Variants in PPM1H observed in about 807,000 individuals in gnomAD.
PPM1H encodes protein phosphatase, Mg2+/Mn2+ dependent 1H.
PPM1H carries 27 observed loss-of-function variants against 54.9 expected under a neutral mutation model. That is an observed-to-expected ratio of 0.49 (90% CI 0.36 to 0.68). PPM1H has a LOEUF of 0.68. Among genes scored for constraint, PPM1H ranks in the 30% least tolerant of loss-of-function variants. The probability of loss-of-function intolerance (pLI) is 0.00; values close to 1 mark genes in which losing one functional copy is unlikely to be tolerated. For synonymous variants in PPM1H, 305 were observed against 270.8 expected, an observed-to-expected ratio of 1.13 and a Z score of -1.24; for missense variants, 596 against 667.8, an observed-to-expected ratio of 0.89 and a Z score of 1.19.
In PPM1H at chr12:62,802,096, G is replaced by A; in HGVS notation, c.476C>T (p.Ala159Val). The change falls in exon 3 of 10, where the codon GCG becomes GTG. Residue 159 changes from alanine to valine, a missense_variant. Coordinates refer to ENST00000228705, the MANE Select transcript of PPM1H (RefSeq NM_020700.2). The stretch of plus-strand genomic sequence containing the variant: ...CTGCAGCAGGCGTGACGCCACCACC[G>A]CGGCCCCGGACCCCGCGTGCCCGTC... Reference protein sequence around the residue: ...LFDGHAGSGAAVVASRLLQHH... With the variant: ...LFDGHAGSGAVVVASRLLQHH... The A allele has an allele frequency of 1.9e-6, 3 of 1,609,478 alleles. No individual in the cohort carries two copies. Among genetic ancestry groups the A allele is most frequent in the Non-Finnish European group, 2.5e-6 (3 of 1,177,776 alleles).
chr12:62,836,493 C>T (rs1868507208), intron 1 of PPM1H, among the ~76,000 whole-genome samples: 1 of 152,206 alleles, frequency 6.6e-6, no homozygotes, highest in Non-Finnish European at 1.5e-5. Flanking sequence ...TATAAGGTAG[C>T]TGCCACTGTT....
intron 4 of PPM1H, among the ~76,000 whole-genome samples, chr12:62,781,921 T>C (rs2076645150): frequency 6.6e-6 from 1 of 152,200 alleles, no homozygotes; most frequent in Non-Finnish European, 1.5e-5. Context: ...GCTAAGGGAT[T>C]ACATGAAATA....
chr12:62,832,957 C>T (rs1868396327), intron 1 of PPM1H, among the ~76,000 whole-genome samples: 1 of 152,128 alleles, frequency 6.6e-6, no homozygotes, highest in Non-Finnish European at 1.5e-5. Flanking sequence ...CTGCTTTGCT[C>T]GAATTACTAC....
intron 1 of PPM1H, among the ~76,000 whole-genome samples, chr12:62,890,395 C>A (rs1870741375): frequency 6.6e-6 from 1 of 152,144 alleles, no homozygotes; most frequent in South Asian, 2.1e-4. Flanking sequence ...AAGGTCAAGA[C>A]TGCAGTGAAC....
chr12:62,673,228 C>G (rs1457954540), intron 8 of PPM1H, among the ~76,000 whole-genome samples: 1 of 152,156 alleles, frequency 6.6e-6, no homozygotes, highest in East Asian at 1.9e-4. Context: ...CCCTCAGCTT[C>G]AGAGCACTTA....
intron 1 of PPM1H, among the ~76,000 whole-genome samples, chr12:62,913,850 G>A (rs571888288): frequency 1.1e-4 from 16 of 151,866 alleles, no homozygotes; most frequent in East Asian, 1.9e-4. Context: ...ATACGCATGC[G>A]CCACCATGCC....
intron 1 of PPM1H, among the ~76,000 whole-genome samples, chr12:62,915,859 T>C (rs1871606309): frequency 6.6e-6 from 1 of 152,192 alleles, no homozygotes; most frequent in Non-Finnish European, 1.5e-5. Flanking sequence ...ACAAAAGATT[T>C]TTCTAATTCC....
At chr12:62,797,272 T>C (rs367645227) in intron 3 of PPM1H, among the ~76,000 whole-genome samples, 167 of 152,272 alleles carry the variant, frequency 1.1e-3, no homozygotes, top group Non-Finnish European at 1.6e-3. Flanking sequence ...TGCATAAATG[T>C]CATCAGTGAG....
intron 6 of PPM1H, among the ~76,000 whole-genome samples, chr12:62,716,183 G>T (rs559628316): frequency 6.6e-6 from 1 of 152,250 alleles, no homozygotes; most frequent in African/African-American, 2.4e-5. Flanking sequence ...ATGGGAGTAA[G>T]GGGGGGTCAT....
At chr12:62,694,102 C>CGGAT (rs1393654264) in intron 6 of PPM1H, 103 bp from the exon 7 acceptor site, 5 of 926,488 alleles carry the variant, frequency 5.4e-6, no homozygotes, top group Non-Finnish European at 8.5e-6. Flanking sequence ...AGACCCCATC[C>CGGAT]ACTCACCACA....
Position 62,921,495 on chromosome 12 carries a change from A to G in PPM1H, c.245+12997T>C, listed in dbSNP as rs1592672170. ...TTAGGCCTGGCTTGTGCAAGCCAGC[A>G]ATGTAGATGCACACACTCAAGATGG... On this transcript the variant is annotated intron_variant, in intron 1 of 9. Transcript: ENST00000228705. Among the ~76,000 whole-genome samples the G allele has an allele frequency of 2.0e-5, 3 of 152,282 alleles. No individual in the cohort carries two copies. In the South Asian group the frequency reaches 6.2e-4, roughly 32 times the overall value.
At chr12:62,695,681 G>A (rs1413561871) in intron 6 of PPM1H, among the ~76,000 whole-genome samples, 2 of 152,136 alleles carry the variant, frequency 1.3e-5, no homozygotes, top group African/African-American at 4.8e-5. Context: ...GTTTTTTAAA[G>A]CTTTCCAGGT....
At chr12:62,715,888 T>C (rs111741349) in intron 6 of PPM1H, among the ~76,000 whole-genome samples, 5,140 of 152,218 alleles carry the variant, frequency 0.034, 133 homozygotes, top group East Asian at 0.13. Flanking sequence ...AGTCCTAAAA[T>C]GCTTCATTCC....
intron 2 of PPM1H, among the ~76,000 whole-genome samples, chr12:62,802,362 A>G (rs1376258317): frequency 1.3e-5 from 2 of 152,168 alleles, no homozygotes; most frequent in African/African-American, 4.8e-5. Flanking sequence ...GGGTCCCCAA[A>G]TGAGCCATTG....
intron 9 of PPM1H, among the ~76,000 whole-genome samples, chr12:62,662,410 G>A (rs2075889636): frequency 6.6e-6 from 1 of 152,166 alleles, no homozygotes; most frequent in African/African-American, 2.4e-5. Flanking sequence ...CCACACCTGA[G>A]CTGAATTATA....
At chr12:62,680,373 G>A (rs2076013064) in intron 8 of PPM1H, among the ~76,000 whole-genome samples, 1 of 150,464 alleles carries the variant, frequency 6.6e-6, no homozygotes, top group South Asian at 2.1e-4. Flanking sequence ...TTCAAGATGG[G>A]GTATCACCTA....
intron 3 of PPM1H, among the ~76,000 whole-genome samples, chr12:62,793,700 A>G (rs138224429): frequency 1.8e-3 from 258 of 141,216 alleles, no homozygotes; most frequent in Non-Finnish European, 3.0e-3. Flanking sequence ...AGATCGCGTC[A>G]TTGCACTCCA....
At chr12:62,653,943 C>G (rs1324260644) in intron 9 of PPM1H, among the ~76,000 whole-genome samples, 1 of 151,980 alleles carries the variant, frequency 6.6e-6, no homozygotes, top group Non-Finnish European at 1.5e-5. Flanking sequence ...AATGCAGTCT[C>G]CCAATAGAAA....
intron 1 of PPM1H, among the ~76,000 whole-genome samples, chr12:62,852,361 A>G (rs1347985298): frequency 1.3e-5 from 2 of 151,804 alleles, no homozygotes; most frequent in Non-Finnish European, 2.9e-5. Context: ...TCTTTCCTAC[A>G]TGTGAGGCTA....
Sources: allele counts gnomAD v4.1 joint callset (sites outside exome capture counted in the v4.1 genomes callset), GRCh38; gene constraint gnomAD v4.1.1; transcripts MANE v1.5; gene names NCBI Gene and HGNC (gene_info 2026-07-23, HGNC 2026-07-21).